The following POLE2 variants were observed in gnomAD, a reference collection of about 807,000 sequenced individuals.
The protein encoded by POLE2 is DNA polymerase epsilon 2, accessory subunit.
A neutral mutation model predicts 79.4 loss-of-function variants in POLE2; 56 were observed. The ratio of observed to expected loss-of-function variants is 0.71; its 90% CI spans 0.57 to 0.88. The LOEUF (loss-of-function observed/expected upper bound fraction) is 0.88. Ranked by LOEUF, POLE2 falls within the 40% of genes least tolerant of loss-of-function variation. The pLI, the probability that POLE2 is intolerant of heterozygous loss-of-function variation, is 0.00. For missense variants in POLE2, 598 were observed against 638.9 expected (o/e 0.94, Z 0.69); for synonymous variants, 212 against 214.0 (o/e 0.99, Z 0.08).
chr14:49,664,509 A>G, intron 9 of POLE2, 117 bp downstream of exon 9: 2 of 732,006 alleles, frequency 2.7e-6, no homozygotes, highest in Non-Finnish European at 4.9e-6. Context: ...TTTTGCCAAA[A>G]ATATGCTCTT....
rs539010611 is a variant in POLE2 at position 49,650,362 on chromosome 14, T to C, written c.1400A>G (p.Tyr467Cys). ...GGGCACAGGATACACTCTCAAAGCA[T>C]AGTCATATGCCCAATACACTGGGCA... ...YVCPVYWAYDYALRVYPVPDL... is the reference protein window; with the variant it reads ...YVCPVYWAYDCALRVYPVPDL... The change falls in exon 17 of 19, where the codon TAT becomes TGT. Residue 467 changes from tyrosine (Y) to cysteine (C), a missense_variant. Coordinates refer to ENST00000216367, the MANE Select transcript of POLE2 (RefSeq NM_002692.4). 1.7e-5 allele frequency: 28 copies of C among 1,609,474 alleles called. No homozygotes were observed. The highest frequency in any genetic ancestry group is 8.4e-5 in the Admixed American group (5 of 59,598).
chr14:49,669,816 T>A (rs1480872030), intron 5 of POLE2, among the ~76,000 whole-genome samples: 1 of 152,154 alleles, frequency 6.6e-6, no homozygotes, highest in Non-Finnish European at 1.5e-5. Context: ...AGGTCTATTG[T>A]GTGTATGGCA....
chr14:49,655,354 CA>C (rs1884577118), intron 11 of POLE2, among the ~76,000 whole-genome samples: 1 of 151,928 alleles, frequency 6.6e-6, no homozygotes, highest in Non-Finnish European at 1.5e-5. Flanking sequence ...AATAGGCTTG[CA>C]CTTAAACCCA....
chr14:49,654,417 A>G (rs752208135), intron 13 of POLE2: 10 of 519,128 alleles, frequency 1.9e-5, no homozygotes, highest in African/African-American at 7.9e-5. Flanking sequence ...TGCACTGCCC[A>G]ATTGAACACT....
intron 15 of POLE2, among the ~76,000 whole-genome samples, chr14:49,652,639 C>A (rs1164855926): frequency 1.3e-5 from 2 of 152,126 alleles, no homozygotes; most frequent in African/African-American, 2.4e-5. Context: ...CTAGGCTGCA[C>A]ACTCGTTATA....
chr14:49,684,763 G>A (rs1887003876), intron 1 of POLE2: 1 of 151,358 alleles, frequency 6.6e-6, no homozygotes, highest in African/African-American at 2.4e-5. Flanking sequence ...CACGAGGTCA[G>A]GAGATCGAAA....
chr14:49,653,071 T>C (rs1884392437), intron 15 of POLE2, among the ~76,000 whole-genome samples: 1 of 152,172 alleles, frequency 6.6e-6, no homozygotes, highest in Admixed American at 6.5e-5. Context: ...CATGAAGGTG[T>C]CATGAACTAA....
chr14:49,672,808 T>C (rs761699637), intron 5 of POLE2, among the ~76,000 whole-genome samples: 2 of 152,090 alleles, frequency 1.3e-5, no homozygotes, highest in Non-Finnish European at 2.9e-5. Context: ...CTCCCTCTTG[T>C]CTTTTTATCA....
At chr14:49,647,967 G>A (rs1423566080) in intron 17 of POLE2, among the ~76,000 whole-genome samples, 1 of 152,134 alleles carries the variant, frequency 6.6e-6, no homozygotes, top group African/African-American at 2.4e-5. Context: ...AAATGCTTAG[G>A]AGGAGCTCTA....
intron 3 of POLE2, chr14:49,677,929 G>A (rs548461030): frequency 1.1e-4 from 34 of 308,784 alleles, no homozygotes; most frequent in Admixed American, 3.5e-4. Flanking sequence ...GTGGCGCCTT[G>A]TGCCTTGGAA....
intron 3 of POLE2, 70 bp from the exon 4 acceptor site, chr14:49,674,497 T>A: frequency 1.1e-6 from 1 of 877,094 alleles, no homozygotes; most frequent in Admixed American, 2.1e-5. Context: ...ACATGATAAC[T>A]TGCATTATAA....
At chr14:49,671,618 G>GA (rs71115391) in intron 5 of POLE2, among the ~76,000 whole-genome samples, 5,524 of 58,664 alleles carry the variant, frequency 0.094, 282 homozygotes, top group Middle Eastern at 0.25. Flanking sequence ...CTCTGCCTCA[G>GA]AAAAAAAAAA....
At chr14:49,649,488 C>A (rs1232564018) in intron 17 of POLE2, among the ~76,000 whole-genome samples, 3 of 128,748 alleles carry the variant, frequency 2.3e-5, no homozygotes, top group Middle Eastern at 6.9e-3. Flanking sequence ...CTCGCTCTGT[C>A]GCCCAGGCTG....
rs566145581 is a variant in POLE2 at position 49,648,021 on chromosome 14, T to C, written c.1498-661A>G. Among the ~76,000 whole-genome samples the C allele has an allele frequency of 3.3e-5, 5 of 152,324 alleles. No homozygotes were observed. In the South Asian group the frequency reaches 6.2e-4, roughly 19 times the overall value. ...CAGACTGTGTAACGCCAAATATGCA[T>C]GTGAGACAATCAGCAAGTTCAAGAA... On this transcript the variant is annotated intron_variant, in intron 17 of 18. Transcript: ENST00000216367.
intron 10 of POLE2, among the ~76,000 whole-genome samples, chr14:49,659,247 C>T (rs985250559): frequency 6.7e-6 from 1 of 149,702 alleles, no homozygotes; most frequent in Non-Finnish European, 1.5e-5. Flanking sequence ...TGAAGACCCC[C>T]ACCAATCCCT....
At chr14:49,658,115 C>T (rs1265837437) in intron 10 of POLE2, among the ~76,000 whole-genome samples, 1 of 151,332 alleles carries the variant, frequency 6.6e-6, no homozygotes, top group Non-Finnish European at 1.5e-5. Flanking sequence ...CTCGCTCTGT[C>T]CCCCAGGCTG....
chr14:49,658,683 G>A (rs1884887172), intron 10 of POLE2, among the ~76,000 whole-genome samples: 1 of 152,182 alleles, frequency 6.6e-6, no homozygotes, highest in Non-Finnish European at 1.5e-5. Context: ...ATTGCCTACT[G>A]ACATCTTAGC....
intron 10 of POLE2, among the ~76,000 whole-genome samples, chr14:49,657,783 CACAA>C (rs893404571): frequency 1.1e-4 from 17 of 152,090 alleles, no homozygotes; most frequent in African/African-American, 3.9e-4. Context: ...ATAAAATCTC[CACAA>C]ACAATGAATT....
At chr14:49,668,642 T>G (rs1885662496) in intron 6 of POLE2, among the ~76,000 whole-genome samples, 1 of 152,122 alleles carries the variant, frequency 6.6e-6, no homozygotes, top group Non-Finnish European at 1.5e-5. Context: ...TAGTTAAGCC[T>G]TAAAATTACT....
Sources: gnomAD v4.1 joint callset for allele counts (sites outside exome capture counted in the v4.1 genomes callset) on GRCh38, gnomAD v4.1.1 for gene constraint, MANE v1.5 for transcripts, NCBI Gene and HGNC (gene_info 2026-07-23, HGNC 2026-07-21) for gene names.